Variants in RASGRP1 observed in about 807,000 individuals in gnomAD.
The protein encoded by RASGRP1 is RAS guanyl releasing protein 1, also known as RAS guanyl-releasing protein 1.
Under a neutral mutation model 95.1 loss-of-function variants are expected in RASGRP1, and 37 were observed. The observed-to-expected ratio is 0.39, with a 90% CI of 0.30 to 0.51. RASGRP1 has a LOEUF of 0.51. RASGRP1 is among the 20% of genes least tolerant of loss of function. The pLI, the probability that RASGRP1 is intolerant of heterozygous loss-of-function variation, is 0.80. For synonymous variants in RASGRP1, 325 were observed against 353.4 expected (o/e 0.92, Z 0.90); for missense variants, 711 against 965.4 (o/e 0.74, Z 3.49).
chr15:38,537,565 G>C (rs1015200044), intron 2 of RASGRP1, among the ~76,000 whole-genome samples: 15 of 152,136 alleles, frequency 9.9e-5, no homozygotes, highest in Non-Finnish European at 1.9e-4. Flanking sequence ...AGGAGCAGTG[G>C]GGCCCTGTCC....
chr15:38,513,758 C>T (rs1362569447), intron 6 of RASGRP1, among the ~76,000 whole-genome samples: 1 of 152,218 alleles, frequency 6.6e-6, no homozygotes, highest in East Asian at 1.9e-4. Flanking sequence ...GCTCAAATCA[C>T]AGTCTGTTTC....
intron 13 of RASGRP1, among the ~76,000 whole-genome samples, chr15:38,500,640 C>T (rs1435976027): frequency 2.0e-5 from 3 of 152,158 alleles, no homozygotes; most frequent in African/African-American, 7.2e-5. Context: ...GCCACCACAC[C>T]TGGCTCTCAC....
Position 38,488,238 on chromosome 15 carries a change from A to G in RASGRP1, c.*2316T>C, listed in dbSNP as rs891646386. The G allele has an allele frequency of 1.3e-5, 2 of 152,066 alleles. No homozygotes were observed. The highest frequency in any genetic ancestry group is 6.5e-5 in the Admixed American group (1 of 15,268). The allele number at this position is 152,066 out of a possible 1,614,324, so 9.4% of individuals were successfully genotyped here. A position where few individuals can be genotyped will look rare whatever the true frequency, so the allele number is the denominator to read the frequency against. Reference sequence around the variant, plus strand: ...ATTATACATTTTGAGACAGAAATTCACAACGGTCAGTAAAAAGGTAAGTCA... The same window carrying G: ...ATTATACATTTTGAGACAGAAATTCGCAACGGTCAGTAAAAAGGTAAGTCA... On this transcript the variant is annotated 3_prime_UTR_variant, in exon 17 of 17. Coordinates refer to ENST00000310803, the MANE Select transcript of RASGRP1 (RefSeq NM_005739.4).
intron 6 of RASGRP1, among the ~76,000 whole-genome samples, chr15:38,513,896 G>A (rs138670054): frequency 3.7e-4 from 57 of 152,292 alleles, no homozygotes; most frequent in African/African-American, 1.4e-3. Flanking sequence ...ATGTTGAGTG[G>A]AAGCGATGTA....
chr15:38,512,825 C>T lies in RASGRP1; in HGVS notation c.807G>A (p.Gln269=). The T allele has an allele frequency of 6.2e-7, 1 of 1,613,782 alleles. No individual in the cohort carries two copies. Residue 269 remains glutamine (Q), a synonymous_variant, in exon 7 of 17, where the codon CAG becomes CAA. Coordinates refer to ENST00000310803, the MANE Select transcript of RASGRP1 (RefSeq NM_005739.4). ...ACTTGATGAAGACTTCTGCTCGGAG[C>T]TGCGGCGTGGGGCGGCTGAGAACCA... ...QLMVLSRPTP[Q]LRAEVFIKFI... is the part of the protein sequence containing the mutation.
At chr15:38,497,978 C>T (rs1890859399) in intron 15 of RASGRP1, among the ~76,000 whole-genome samples, 1 of 152,118 alleles carries the variant, frequency 6.6e-6, no homozygotes, top group South Asian at 2.1e-4. Context: ...CAATTACCTG[C>T]TACCTGGCCC....
At chr15:38,515,910 A>AGAGAGAGAGAGT (rs779224083) in intron 6 of RASGRP1, among the ~76,000 whole-genome samples, 14 of 143,548 alleles carry the variant, frequency 9.8e-5, no homozygotes, top group Admixed American at 2.8e-4. Context: ...AGAGAGAGAG[A>AGAGAGAGAGAGT]GTGTGTGTGT....
chr15:38,502,920 A>G (rs1891096426), intron 11 of RASGRP1: 1 of 298,332 alleles, frequency 3.4e-6, no homozygotes. Flanking sequence ...CAATTAGCAC[A>G]GAGAATTGAA....
At chr15:38,557,706 C>CTACA in intron 2 of RASGRP1, among the ~76,000 whole-genome samples, 1 of 151,946 alleles carries the variant, frequency 6.6e-6, no homozygotes, top group South Asian at 2.1e-4. Context: ...AGTTTGGTCG[C>CTACA]TGTAATTCTT....
At chr15:38,531,906 A>G (rs1892456804) in intron 2 of RASGRP1, among the ~76,000 whole-genome samples, 4 of 152,114 alleles carry the variant, frequency 2.6e-5, no homozygotes, top group Admixed American at 6.5e-5. Flanking sequence ...CTCATCAGGG[A>G]TATGTCCCTT....
At chr15:38,556,546 ATTC>A (rs796311256) in intron 2 of RASGRP1, among the ~76,000 whole-genome samples, 1 of 152,320 alleles carries the variant, frequency 6.6e-6, no homozygotes, top group African/African-American at 2.4e-5. Flanking sequence ...TAGAAAATCT[ATTC>A]TTTTTTCCTT....
intron 2 of RASGRP1, among the ~76,000 whole-genome samples, chr15:38,532,135 C>T (rs1407630571): frequency 1.3e-5 from 2 of 152,160 alleles, no homozygotes; most frequent in African/African-American, 4.8e-5. Context: ...TTGCTGCAAG[C>T]TGATTTAAAT....
chr15:38,513,187 AGG>A (rs1297621673), intron 6 of RASGRP1, among the ~76,000 whole-genome samples: 1 of 152,222 alleles, frequency 6.6e-6, no homozygotes, highest in Admixed American at 6.5e-5. Flanking sequence ...GAAAGTTATT[AGG>A]AATAAGTGGA....
At chr15:38,519,944 A>G (rs1371378700) in intron 3 of RASGRP1, among the ~76,000 whole-genome samples, 1 of 152,236 alleles carries the variant, frequency 6.6e-6, no homozygotes, top group Non-Finnish European at 1.5e-5. Context: ...GACCTCATAG[A>G]TTGTAACGGC....
At chr15:38,521,530 T>A (rs1020949536) in intron 3 of RASGRP1, among the ~76,000 whole-genome samples, 14 of 152,194 alleles carry the variant, frequency 9.2e-5, no homozygotes, top group African/African-American at 3.4e-4. Flanking sequence ...CCCTATGCCA[T>A]GGCAAAGGCT....
intron 15 of RASGRP1, among the ~76,000 whole-genome samples, chr15:38,498,286 C>T (rs1463760731): frequency 6.6e-6 from 1 of 152,190 alleles, no homozygotes; most frequent in Non-Finnish European, 1.5e-5. Flanking sequence ...CCAAGCAGAC[C>T]AGTAGCTTTA....
intron 3 of RASGRP1, among the ~76,000 whole-genome samples, chr15:38,522,916 G>A (rs1294699055): frequency 1.3e-5 from 2 of 152,168 alleles, no homozygotes; most frequent in Admixed American, 6.5e-5. Context: ...AATTTCAAGG[G>A]TAGCTACCAT....
In RASGRP1 at chr15:38,494,767, G is replaced by C; in HGVS notation, c.1874C>G (p.Ala625Gly). ...CSLGAKDLLHAPEEGPFTFPN... is the reference protein window; with the variant it reads ...CSLGAKDLLHGPEEGPFTFPN... Reference sequence around the variant, plus strand: ...GAATGTAAAAGGTCCTTCCTCAGGTGCTGTAGGAAGATACAGGACATGCTA... The same window carrying C: ...GAATGTAAAAGGTCCTTCCTCAGGTCCTGTAGGAAGATACAGGACATGCTA... Residue 625 changes from alanine to glycine, a missense_variant and splice_region_variant, in exon 16 of 17, where the codon GCA (alanine) becomes GGA (glycine). Coordinates refer to ENST00000310803, the MANE Select transcript of RASGRP1 (RefSeq NM_005739.4). 1 of 1,491,474 alleles carries C rather than the reference G, an allele frequency of 6.7e-7. No homozygotes were observed. Among genetic ancestry groups the C allele is most frequent in the South Asian group, 1.4e-5 (1 of 69,408 alleles). 92.4% of individuals were successfully genotyped at this position (1,491,474 alleles called of 1,614,324 possible).
At chr15:38,516,932 C>G (rs978404291) in intron 5 of RASGRP1, among the ~76,000 whole-genome samples, 2 of 152,072 alleles carry the variant, frequency 1.3e-5, no homozygotes, top group Non-Finnish European at 2.9e-5. Context: ...CTAGCTGACC[C>G]TAGAGTGCGC....
Sources: allele counts gnomAD v4.1 joint callset (sites outside exome capture counted in the v4.1 genomes callset), GRCh38; gene constraint gnomAD v4.1.1; transcripts MANE v1.5; gene names NCBI Gene and HGNC (gene_info 2026-07-23, HGNC 2026-07-21).